The following PLA2R1 variants were observed in gnomAD, a reference collection of about 807,000 sequenced individuals.
PLA2R1 encodes phospholipase A2 receptor 1.
PLA2R1 carries 158 observed loss-of-function variants against 195.9 expected under a neutral mutation model. The observed-to-expected ratio is 0.81, with a 90% CI of 0.71 to 0.92. The LOEUF (loss-of-function observed/expected upper bound fraction) is 0.92. Among genes scored for constraint, PLA2R1 ranks in the 40% least tolerant of loss-of-function variants. The pLI is 0.00. For synonymous variants in PLA2R1, 586 were observed against 598.2 expected, an observed-to-expected ratio of 0.98 and a Z score of 0.30; for missense variants, 1,626 against 1,764.6, an observed-to-expected ratio of 0.92 and a Z score of 1.41.
intron 3 of PLA2R1, among the ~76,000 whole-genome samples, chr2:160,040,705 C>A (rs1470953011): frequency 6.6e-6 from 1 of 152,170 alleles, no homozygotes; most frequent in African/African-American, 2.4e-5. Flanking sequence ...AAGGGAGGAT[C>A]CTAAGTCCTA....
chr2:159,964,231 G>A (rs1286625052), intron 20 of PLA2R1, among the ~76,000 whole-genome samples: 10 of 152,216 alleles, frequency 6.6e-5, no homozygotes. Context: ...GTTACCAGGG[G>A]ATGGGGAACA....
chr2:159,927,687 A>G (rs985307335), downstream of PLA2R1, among the ~76,000 whole-genome samples: 1 of 152,112 alleles, frequency 6.6e-6, no homozygotes, highest in Non-Finnish European at 1.5e-5. Context: ...TATCTGAGTC[A>G]GGTGAGAAGC....
At chr2:160,018,661 CAA>C (rs1692916794) in intron 8 of PLA2R1, among the ~76,000 whole-genome samples, 7 of 151,696 alleles carry the variant, frequency 4.6e-5, no homozygotes, top group Non-Finnish European at 7.4e-5. Flanking sequence ...AACAAACAAA[CAA>C]ACAAACATTG....
intron 7 of PLA2R1, among the ~76,000 whole-genome samples, chr2:160,022,364 A>G (rs901120570): frequency 1.3e-5 from 2 of 151,988 alleles, no homozygotes; most frequent in Non-Finnish European, 2.9e-5. Context: ...TAGTGGCCAT[A>G]AAGCTAAATT....
chr2:159,976,986 CATT>C (rs1689606449), intron 15 of PLA2R1, among the ~76,000 whole-genome samples: 1 of 152,236 alleles, frequency 6.6e-6, no homozygotes, highest in African/African-American at 2.4e-5. Flanking sequence ...TCCACTTACT[CATT>C]GTGCAAGTAA....
At chr2:159,977,152 T>G (rs1053512848) in intron 15 of PLA2R1, 132 bp downstream of exon 15, 3 of 676,010 alleles carry the variant, frequency 4.4e-6, no homozygotes, top group Non-Finnish European at 4.9e-6. Context: ...ATAGAAACAT[T>G]TTTTGCTAAA....
At chr2:159,984,112 TAA>T in intron 12 of PLA2R1, 39 bp from the exon 13 acceptor site, 1 of 998,270 alleles carries the variant, frequency 1.0e-6, no homozygotes, top group East Asian at 2.4e-5. Flanking sequence ...TTGTTATAGA[TAA>T]AGTCAGGTTG....
rs1196611421 is a variant in PLA2R1, at chr2:159,956,609, G to C, written c.2923C>G (p.Pro975Ala). The change falls in exon 21 of 30, where the codon CCC becomes GCC. Residue 975 changes from proline (P) to alanine (A), a missense_variant. Transcript: ENST00000283243. The part of the protein sequence containing the change: ...FNYKCLLLNI[P>A]KDPSSWKNWT... Reference sequence around the variant, plus strand: ...TTCTTCCAACTGCTTGGGTCTTTGGGGATATTCAGCAGAAGGCACTATCAA... The same window carrying C: ...TTCTTCCAACTGCTTGGGTCTTTGGCGATATTCAGCAGAAGGCACTATCAA... 3 of 1,607,340 alleles carry C rather than the reference G, an allele frequency of 1.9e-6. No homozygotes were observed. Among genetic ancestry groups the C allele is most frequent in the Non-Finnish European group, 2.6e-6 (3 of 1,174,096 alleles).
chr2:160,012,663 G>A (rs1325288450), intron 10 of PLA2R1, among the ~76,000 whole-genome samples: 2 of 151,928 alleles, frequency 1.3e-5, no homozygotes, highest in African/African-American at 4.8e-5. Flanking sequence ...CTGTAATCCC[G>A]GCACTTTGGG....
At position 159,937,581 on chromosome 2, in the gene PLA2R1, T is replaced by C. The variant is rs1241291101; in HGVS notation, c.*4197A>G. The C allele has an allele frequency of 6.6e-6, 1 of 152,222 alleles. No homozygotes were observed. Among genetic ancestry groups the C allele is most frequent in the African/African-American group, 2.4e-5 (1 of 41,444 alleles). 9.4% of individuals were successfully genotyped at this position (152,222 alleles called of 1,614,324 possible). On this transcript the variant is annotated 3_prime_UTR_variant, in exon 30 of 30. Coordinates refer to ENST00000283243, the MANE Select transcript of PLA2R1 (RefSeq NM_007366.5). Reference sequence around the variant, plus strand: ...TCTAAGATAAATCAAGCCTTGGGACTTTCTTCTGGATAACATAAGATGTTA... The same window carrying C: ...TCTAAGATAAATCAAGCCTTGGGACCTTCTTCTGGATAACATAAGATGTTA...
intron 10 of PLA2R1, among the ~76,000 whole-genome samples, chr2:160,012,051 A>G (rs1332757972): frequency 6.6e-6 from 1 of 152,130 alleles, no homozygotes; most frequent in Non-Finnish European, 1.5e-5. Context: ...AAGAGGAGGA[A>G]GGACATACTG....
intron 28 of PLA2R1, 110 bp downstream of exon 28, chr2:159,944,796 A>C: frequency 1.3e-6 from 1 of 772,380 alleles, no homozygotes; most frequent in Non-Finnish European, 2.2e-6. Flanking sequence ...GTCAGAATCT[A>C]TCTGAATACT....
intron 23 of PLA2R1, among the ~76,000 whole-genome samples, chr2:159,954,469 A>C (rs939270604): frequency 6.6e-6 from 1 of 151,550 alleles, no homozygotes; most frequent in Non-Finnish European, 1.5e-5. Context: ...TAGAGACTTC[A>C]CACGTATGCC....
rs556783031 is a variant in PLA2R1 at position 159,941,621 on chromosome 2, G to C, written c.*157C>G. ...AATAAATCAAAACCCATCTGATTTGGTTAAGATTCAAAACCAGTAATCACT... is the reference window on the plus strand; with the variant it reads ...AATAAATCAAAACCCATCTGATTTGCTTAAGATTCAAAACCAGTAATCACT... On this transcript the variant is annotated 3_prime_UTR_variant, in exon 30 of 30. Transcript: ENST00000283243. The C allele has an allele frequency of 1.6e-5, 9 of 550,466 alleles. No homozygotes were observed. In the East Asian group the frequency reaches 2.6e-4, roughly 16 times the overall value. The allele number at this position is 550,466 out of a possible 1,614,324, so 34.1% of individuals were successfully genotyped here.
In PLA2R1 at chr2:159,938,921, T is replaced by A. The variant is rs1368783603; in HGVS notation, c.*2857A>T. Reference sequence around the variant, plus strand: ...CTGTTGTAACTGTAAGAGCCCAATATATTGTTAAATGGAAAAACCCAGGCA... The same window carrying A: ...CTGTTGTAACTGTAAGAGCCCAATAAATTGTTAAATGGAAAAACCCAGGCA... On this transcript the variant is annotated 3_prime_UTR_variant, in exon 30 of 30. Transcript: ENST00000283243. 6.6e-6 allele frequency: 1 copy of A among 152,178 alleles called. No homozygotes were observed. Among genetic ancestry groups the A allele is most frequent in the Non-Finnish European group, 1.5e-5 (1 of 68,040 alleles). 9.4% of individuals were successfully genotyped at this position (152,178 alleles called of 1,614,324 possible). A position where few individuals can be genotyped will look rare whatever the true frequency, so the allele number is the denominator to read the frequency against.
intron 17 of PLA2R1, among the ~76,000 whole-genome samples, chr2:159,970,737 A>C (rs1689104682): frequency 6.6e-6 from 1 of 152,212 alleles, no homozygotes; most frequent in African/African-American, 2.4e-5. Context: ...ACAAAAGAAT[A>C]CTACAGAGTG....
At chr2:160,013,701 C>CTCTGTG (rs1402140433) in intron 9 of PLA2R1, among the ~76,000 whole-genome samples, 55 of 131,242 alleles carry the variant, frequency 4.2e-4, no homozygotes, top group African/African-American at 1.1e-3. Flanking sequence ...CTCTCTCTCT[C>CTCTGTG]TGTCTCTCTC....
At position 159,947,466 on chromosome 2, in the gene PLA2R1, A is replaced by G. The variant is rs200506955; in HGVS notation, c.3803T>C (p.Leu1268Pro). The stretch of plus-strand genomic sequence containing the variant: ...AGCAGCCTCAAAACTCATACTGTCT[A>G]GGACTGTAGAAAAACTGTAGCAATT... Reference protein sequence around the residue: ...KSNCYSFSTVLDSMSFEAAHE... With the variant: ...KSNCYSFSTVPDSMSFEAAHE... Residue 1268 changes from leucine to proline, a missense_variant, in exon 26 of 30, where the codon CTA (leucine) becomes CCA (proline). Coordinates refer to ENST00000283243, the MANE Select transcript of PLA2R1 (RefSeq NM_007366.5). 6.2e-7 allele frequency: 1 copy of G among 1,613,212 alleles called. No homozygotes were observed. The highest frequency in any genetic ancestry group is 1.7e-5 in the Admixed American group (1 of 60,002).
intron 20 of PLA2R1, among the ~76,000 whole-genome samples, chr2:159,967,264 T>C (rs1320946003): frequency 6.6e-6 from 1 of 152,062 alleles, no homozygotes; most frequent in African/African-American, 2.4e-5. Context: ...TTACACCTAA[T>C]GAAACATTCA....
Sources: gnomAD v4.1 joint callset for allele counts (sites outside exome capture counted in the v4.1 genomes callset) on GRCh38, gnomAD v4.1.1 for gene constraint, MANE v1.5 for transcripts, NCBI Gene and HGNC (gene_info 2026-07-23, HGNC 2026-07-21) for gene names.